KYAT1: variants seen among roughly 807,000 people sequenced by gnomAD.
The protein encoded by KYAT1 is kynurenine--oxoglutarate transaminase 1.
Under a neutral mutation model 52.4 loss-of-function variants are expected in KYAT1, and 47 were observed. The observed-to-expected ratio is 0.90, with a 90% CI of 0.71 to 1.14. The LOEUF (loss-of-function observed/expected upper bound fraction) is 1.14, where lower values mean the gene tolerates loss of function less well. KYAT1 is among the 50% of genes most tolerant of loss of function. The pLI is 0.00. For missense variants in KYAT1, 480 were observed against 557.9 expected (o/e 0.86, Z 1.41); for synonymous variants, 212 against 209.6 (o/e 1.01, Z -0.10).
At chr9:128,836,104 G>A in intron 7 of KYAT1, 31 bp from the exon 8 acceptor site, 1 of 1,607,710 alleles carries the variant, frequency 6.2e-7, no homozygotes, top group South Asian at 1.1e-5. Flanking sequence ...CAGCTGCTGA[G>A]ACTGGGGTGA....
chr9:128,862,415 C>T (rs1249474520), intron 1 of KYAT1, among the ~76,000 whole-genome samples: 2 of 152,246 alleles, frequency 1.3e-5, no homozygotes, highest in Non-Finnish European at 2.9e-5. Context: ...TCCTCACCCT[C>T]ATTAACAGGT....
chr9:128,848,727 G>A (rs1391794605), intron 1 of KYAT1, among the ~76,000 whole-genome samples: 1 of 148,934 alleles, frequency 6.7e-6, no homozygotes, highest in Non-Finnish European at 1.5e-5. Context: ...TGAGGCAGAA[G>A]AATCACTTGA....
intron 3 of KYAT1, among the ~76,000 whole-genome samples, chr9:128,839,675 A>C (rs1390761438): frequency 3.9e-5 from 6 of 152,240 alleles, no homozygotes; most frequent in African/African-American, 1.2e-4. Context: ...AGGCTAAGCC[A>C]AGTGATTGAA....
At chr9:128,834,338 A>G (rs1414860794) in intron 11 of KYAT1, among the ~76,000 whole-genome samples, 1 of 152,202 alleles carries the variant, frequency 6.6e-6, no homozygotes, top group Non-Finnish European at 1.5e-5. Flanking sequence ...GGGCAGAGGG[A>G]GGCTGACAGA....
intron 1 of KYAT1, among the ~76,000 whole-genome samples, chr9:128,870,379 G>A (rs761431440): frequency 2.0e-5 from 3 of 152,206 alleles, no homozygotes; most frequent in Non-Finnish European, 4.4e-5. Context: ...AGGGCGACAT[G>A]GCTGATGACT....
At chr9:128,869,807 G>T (rs1295754891) in intron 1 of KYAT1, among the ~76,000 whole-genome samples, 1 of 151,042 alleles carries the variant, frequency 6.6e-6, no homozygotes, top group Non-Finnish European at 1.5e-5. Flanking sequence ...AGGCTAGAGT[G>T]CAGAGGCGTG....
At chr9:128,837,082 T>C (rs1017823155) in intron 6 of KYAT1, among the ~76,000 whole-genome samples, 160 bp from the exon 7 acceptor site, 2 of 151,898 alleles carry the variant, frequency 1.3e-5, no homozygotes, top group African/African-American at 2.4e-5. Context: ...ACACTGGAGG[T>C]CAGGAGTTTA....
chr9:128,854,435 A>AGG (rs1296754960), intron 1 of KYAT1, among the ~76,000 whole-genome samples: 1 of 152,106 alleles, frequency 6.6e-6, no homozygotes, highest in African/African-American at 2.4e-5. Context: ...CGTGGGGGAG[A>AGG]GGTTTTGCTC....
At position 128,833,417 on chromosome 9, in the gene KYAT1, G is replaced by C; in HGVS notation, c.*167C>G. The C allele has an allele frequency of 1.4e-6, 1 of 712,570 alleles. No homozygotes were observed. The allele number at this position is 712,570 out of a possible 1,614,324, so 44.1% of individuals were successfully genotyped here. On this transcript the variant is annotated 3_prime_UTR_variant, in exon 13 of 13. Coordinates refer to ENST00000302586, the MANE Select transcript of KYAT1 (RefSeq NM_004059.5). ...AGACAGGAGGCACTTGGTTCTCTAAGATGAAGAAGGGCGGCTCCCACCCAG... is the reference window on the plus strand; with the variant it reads ...AGACAGGAGGCACTTGGTTCTCTAACATGAAGAAGGGCGGCTCCCACCCAG...
chr9:128,847,744 T>C, intron 1 of KYAT1: 1 of 504,378 alleles, frequency 2.0e-6, no homozygotes, highest in Non-Finnish European at 3.5e-6. Context: ...TCCGACTCCG[T>C]CCTTATAAGA....
At chr9:128,848,605 G>T (rs1001795526) in intron 1 of KYAT1, among the ~76,000 whole-genome samples, 8 of 151,548 alleles carry the variant, frequency 5.3e-5, no homozygotes, top group Non-Finnish European at 8.8e-5. Flanking sequence ...ATCACTTCAG[G>T]TCAGAAGTTT....
chr9:128,880,347 C>T (rs1838638286), intron 1 of KYAT1, among the ~76,000 whole-genome samples: 1 of 152,118 alleles, frequency 6.6e-6, no homozygotes, highest in African/African-American at 2.4e-5. Context: ...TGACTGACAA[C>T]AGAAAAAGCA....
At chr9:128,840,015 C>A (rs1340641094) in intron 3 of KYAT1, among the ~76,000 whole-genome samples, 1 of 151,648 alleles carries the variant, frequency 6.6e-6, no homozygotes, top group African/African-American at 2.4e-5. Context: ...TATGATCACA[C>A]CAGTCTGGGT....
chr9:128,882,175 G>A (rs764676146), upstream of KYAT1: 2 of 152,950 alleles, frequency 1.3e-5, no homozygotes, highest in South Asian at 1.9e-4. Flanking sequence ...CGCCGGAGCA[G>A]CGCTGCGGCC....
At chr9:128,847,338 A>T (rs1160558206) in intron 1 of KYAT1, 5 of 771,184 alleles carry the variant, frequency 6.5e-6, no homozygotes, top group Non-Finnish European at 1.0e-5. Flanking sequence ...TCCCTGAAAG[A>T]GAAGGCTCAT....
intron 1 of KYAT1, among the ~76,000 whole-genome samples, chr9:128,881,138 C>T (rs1038716537): frequency 2.6e-5 from 4 of 151,972 alleles, no homozygotes; most frequent in Non-Finnish European, 5.9e-5. Context: ...TGGAGTGCAG[C>T]GGCGCGATCT....
intron 3 of KYAT1, chr9:128,842,014 AAAAT>A (rs891479440): frequency 3.9e-4 from 72 of 182,708 alleles, no homozygotes; most frequent in Middle Eastern, 4.9e-3. Context: ...CCCTGACTCA[AAAAT>A]AAATAAATAA....
intron 1 of KYAT1, chr9:128,846,618 AAAAAAAAG>A: frequency 9.5e-7 from 1 of 1,052,976 alleles, no homozygotes; most frequent in Non-Finnish European, 1.3e-6. Flanking sequence ...AAAAAAAAAA[AAAAAAAAG>A]AAAGAAAGAA....
intron 1 of KYAT1, among the ~76,000 whole-genome samples, chr9:128,866,266 T>C (rs1215227843): frequency 6.6e-6 from 1 of 152,106 alleles, no homozygotes; most frequent in African/African-American, 2.4e-5. Context: ...AGCATCTCAA[T>C]AAGAAAAAGT....
Sources: gnomAD v4.1 joint callset for allele counts (sites outside exome capture counted in the v4.1 genomes callset) on GRCh38, gnomAD v4.1.1 for gene constraint, MANE v1.5 for transcripts, NCBI Gene and HGNC (gene_info 2026-07-23, HGNC 2026-07-21) for gene names.